OR6F1: variants seen among roughly 807,000 people sequenced by gnomAD.
The protein encoded by OR6F1 is olfactory receptor family 6 subfamily F member 1, also known as olfactory receptor 6F1.
For synonymous variants in OR6F1, 144 were observed against 150.0 expected (o/e 0.96, Z 0.29); for missense variants, 346 against 376.0 (o/e 0.92, Z 0.66).
rs1234755399 is a variant in OR6F1, at chr1:247,712,780, A to T, written c.-25T>A. 2.1e-6 allele frequency: 3 copies of T among 1,452,156 alleles called. No homozygotes were observed. The South Asian group carries it at 3.5e-5, about 17-fold the overall frequency. 90.0% of individuals were successfully genotyped at this position (1,452,156 alleles called of 1,614,324 possible). On this transcript the variant is annotated 5_prime_UTR_variant, in exon 3 of 3. Coordinates refer to ENST00000641470, the MANE Select transcript of OR6F1 (RefSeq NM_001005286.2). Reference sequence around the variant, plus strand: ...TTGTGGTACTGAAACCAGAAAACAGAGTCCCCGCACTGAGCCCTTTAACCC... The same window carrying T: ...TTGTGGTACTGAAACCAGAAAACAGTGTCCCCGCACTGAGCCCTTTAACCC...
At position 247,711,971 on chromosome 1, in the gene OR6F1, G is replaced by T; in HGVS notation, c.785C>A (p.Thr262Asn). The T allele has an allele frequency of 6.2e-7, 1 of 1,614,100 alleles. No homozygotes were observed. The highest frequency in any genetic ancestry group is 8.5e-7 in the Non-Finnish European group (1 of 1,179,958). Residue 262 changes from threonine to asparagine, a missense_variant, in exon 3 of 3, where the codon ACC becomes AAC. Thr to Asn is a moderately conservative substitution (Grantham distance 65). Transcript: ENST00000641470. ...CAGATCCAAGGCATCTTTGATAGAGGTGCGGACGTGAAGGAAAACTGTGGA... is the reference window on the plus strand; with the variant it reads ...CAGATCCAAGGCATCTTTGATAGAGTTGCGGACGTGAAGGAAAACTGTGGA... ...YGSTVFLHVRTSIKDALDLIK... is the reference protein window; with the variant it reads ...YGSTVFLHVRNSIKDALDLIK...
intron 2 of OR6F1, 87 bp from the exon 3 acceptor site, chr1:247,712,904 C>A (rs1037412161): frequency 1.8e-5 from 10 of 556,174 alleles, no homozygotes; most frequent in African/African-American, 1.7e-4. Flanking sequence ...TCATTGAATG[C>A]CTGCTCTGTG....
rs750812556 is a variant in OR6F1 at position 247,712,343 on chromosome 1, C to G, written c.413G>C (p.Ser138Thr). 1 of 1,614,108 alleles carries G rather than the reference C, an allele frequency of 6.2e-7. No individual in the cohort carries two copies. Among genetic ancestry groups the G allele is most frequent in the Admixed American group, 1.7e-5 (1 of 60,030 alleles). ...YPLHYGAIMS[S>T]LLSAQLALGS... ...CAGGGCCAGCTGCGCTGAGAGCAGG[C>G]TACTCATGATGGCTCCGTAGTGTAA... is the stretch of plus-strand genomic sequence containing the variant. Residue 138 changes from serine (S) to threonine (T), a missense_variant, in exon 3 of 3, where the codon AGC (serine) becomes ACC (threonine). Physicochemically the swap from Ser to Thr is moderately conservative, Grantham distance 58. Coordinates refer to ENST00000641470, the MANE Select transcript of OR6F1 (RefSeq NM_001005286.2).
Position 247,712,178 on chromosome 1 carries a change from T to A in OR6F1, c.578A>T (p.Gln193Leu), listed in dbSNP as rs1660016809. The A allele has an allele frequency of 6.2e-7, 1 of 1,614,168 alleles. No individual in the cohort carries two copies. The highest frequency in any genetic ancestry group is 8.5e-7 in the Non-Finnish European group (1 of 1,180,014). ...CACAAAGGCCACAAGCTCTACTGCC[T>A]GTGTGTTGGTGCAGGCCAGGGCAAT... ...PWIALACTNT[Q>L]AVELVAFVIA... Residue 193 changes from glutamine (Q) to leucine (L), a missense_variant, in exon 3 of 3, where the codon CAG becomes CTG. Transcript: ENST00000641470.
At chr1:247,715,557 C>T (rs922019309) in intron 1 of OR6F1, among the ~76,000 whole-genome samples, 1 of 152,156 alleles carries the variant, frequency 6.6e-6, no homozygotes, top group African/African-American at 2.4e-5. Context: ...ATATATTGCT[C>T]TAGACTCGAG....
At position 247,712,523 on chromosome 1, in the gene OR6F1, A is replaced by G. The variant is rs142930702; in HGVS notation, c.233T>C (p.Val78Ala). The G allele has an allele frequency of 3.4e-5, 55 of 1,613,822 alleles. No homozygotes were observed. The African/African-American group carries it at 6.8e-4, about 20-fold the overall frequency. Residue 78 changes from valine (V) to alanine (A), a missense_variant, in exon 3 of 3, where the codon GTG becomes GCG. By Grantham distance (64) the Val-to-Ala change is moderately conservative. Coordinates refer to ENST00000641470, the MANE Select transcript of OR6F1 (RefSeq NM_001005286.2). ...FLEIWYTTAA[V>A]PKALAILLGR... ...CAGTAGGATGGCCAGTGCTTTGGGC[A>G]CTGCTGCTGTGGTATACCAAATCTC...
Position 247,711,601 on chromosome 1 carries a change from A to T in OR6F1, c.*228T>A. On this transcript the variant is annotated 3_prime_UTR_variant, in exon 3 of 3. Coordinates refer to ENST00000641470, the MANE Select transcript of OR6F1 (RefSeq NM_001005286.2). ...ATAAACCAAAGTCCAGAGCAAACCT[A>T]ATTCAATGTATAATTATTTTTTGCT... 2.5e-6 allele frequency: 1 copy of T among 404,670 alleles called. No individual in the cohort carries two copies. The highest frequency in any genetic ancestry group is 4.4e-6 in the Non-Finnish European group (1 of 226,710). The allele number at this position is 404,670 out of a possible 1,614,324, so 25.1% of individuals were successfully genotyped here. A position where few individuals can be genotyped will look rare whatever the true frequency, so the allele number is the denominator to read the frequency against.
Position 247,712,217 on chromosome 1 carries a change from T to A in OR6F1, c.539A>T (p.Asp180Val). ...GPRAINHFFCDIAPWIALACT... is the reference protein window; with the variant it reads ...GPRAINHFFCVIAPWIALACT... ...GGCCAGGGCAATCCAGGGTGCAATGTCACAGAAGAAGTGGTTGATGGCACG... is the reference window on the plus strand; with the variant it reads ...GGCCAGGGCAATCCAGGGTGCAATGACACAGAAGAAGTGGTTGATGGCACG... Residue 180 changes from aspartate (D) to valine (V), a missense_variant, in exon 3 of 3, where the codon GAC becomes GTC. Coordinates refer to ENST00000641470, the MANE Select transcript of OR6F1 (RefSeq NM_001005286.2). The A allele has an allele frequency of 6.2e-7, 1 of 1,614,192 alleles. No homozygotes were observed. The highest frequency in any genetic ancestry group is 8.5e-7 in the Non-Finnish European group (1 of 1,180,030).
Position 247,712,599 on chromosome 1 carries a change from G to A in OR6F1, c.157C>T (p.His53Tyr). Reference sequence around the variant, plus strand: ...AAGTACATGGGGGTATGCAACTGATGGGAGGTGCTCACCAACATCAAGATA... The same window carrying A: ...AAGTACATGGGGGTATGCAACTGATAGGAGGTGCTCACCAACATCAAGATA... ...VAILMLVSTS[H>Y]QLHTPMYFFL... The change falls in exon 3 of 3, where the codon CAT becomes TAT. Residue 53 changes from histidine to tyrosine, a missense_variant. Transcript: ENST00000641470. The A allele has an allele frequency of 2.5e-6, 4 of 1,614,026 alleles. No individual in the cohort carries two copies. In the Admixed American group the frequency reaches 6.7e-5, roughly 27 times the overall value.
At chr1:247,713,862 A>G (rs187203046) in intron 2 of OR6F1, 29 bp downstream of exon 2, 2 of 398,584 alleles carry the variant, frequency 5.0e-6, no homozygotes, top group East Asian at 3.6e-5. Flanking sequence ...ATGGGTCTAC[A>G]AAGTAAACGG....
At chr1:247,715,619 C>A (rs1041988652) in intron 1 of OR6F1, among the ~76,000 whole-genome samples, 2 of 152,038 alleles carry the variant, frequency 1.3e-5, no homozygotes, top group Admixed American at 1.3e-4. Context: ...GTGGATGTGA[C>A]TTAACAAGAG....
Position 247,711,859 on chromosome 1 carries a change from C to A in OR6F1, c.897G>T (p.Glu299Asp), listed in dbSNP as rs1660007263. The change falls in exon 3 of 3, where the codon GAG (glutamate) becomes GAT (aspartate). Residue 299 changes from glutamate to aspartate, a missense_variant. Physicochemically the swap from Glu to Asp is conservative, Grantham distance 45. Transcript: ENST00000641470. ...IYTLRNKEVRETLLKKWKGK is the reference protein window; with the variant it reads ...IYTLRNKEVRDTLLKKWKGK ...TTCCCTTCCATTTCTTCAGCAGAGT[C>A]TCTCTTACTTCCTTATTACGAAGCG... 6 of 1,613,108 alleles carry A rather than the reference C, an allele frequency of 3.7e-6. No homozygotes were observed. Among genetic ancestry groups the A allele is most frequent in the Non-Finnish European group, 5.1e-6 (6 of 1,179,220 alleles).
chr1:247,715,511 A>C (rs1660089821), intron 1 of OR6F1, among the ~76,000 whole-genome samples: 1 of 152,210 alleles, frequency 6.6e-6, no homozygotes, highest in African/African-American at 2.4e-5. Flanking sequence ...ATTTACGTGA[A>C]GCACATGATG....
intron 1 of OR6F1, among the ~76,000 whole-genome samples, chr1:247,714,522 A>G (rs2103191613): frequency 6.6e-6 from 1 of 152,304 alleles, no homozygotes; most frequent in South Asian, 2.1e-4. Flanking sequence ...TGAATTACTC[A>G]TCCCTGAATT....
At position 247,712,560 on chromosome 1, in the gene OR6F1, G is replaced by A; in HGVS notation, c.196C>T (p.Leu66Phe). ...HTPMYFFLSN[L>F]SFLEIWYTTA... ...GTATACCAAATCTCCAGGAAGGAGA[G>A]GTTGCTCAGAAAGAAGTACATGGGG... The change falls in exon 3 of 3, where the codon CTC (leucine) becomes TTC (phenylalanine). Residue 66 changes from leucine (L) to phenylalanine (F), a missense_variant. By Grantham distance (22) the Leu-to-Phe change is conservative (BLOSUM62 0). Coordinates refer to ENST00000641470, the MANE Select transcript of OR6F1 (RefSeq NM_001005286.2). 2 of 1,614,010 alleles carry A rather than the reference G, an allele frequency of 1.2e-6. No homozygotes were observed. The highest frequency in any genetic ancestry group is 1.1e-5 in the South Asian group (1 of 91,074).
Position 247,711,541 on chromosome 1 carries a change from C to T in OR6F1, c.*288G>A. The T allele has an allele frequency of 4.2e-6, 1 of 237,328 alleles. No individual in the cohort carries two copies. Among genetic ancestry groups the T allele is most frequent in the South Asian group, 1.0e-4 (1 of 9,824 alleles). 14.7% of individuals were successfully genotyped at this position (237,328 alleles called of 1,614,324 possible). On this transcript the variant is annotated 3_prime_UTR_variant, in exon 3 of 3. Transcript: ENST00000641470. ...AAACAAGAATTTAGAGCTGATATAC[C>T]AAAGCACTCTTTTTATTGCAGATGT... is the stretch of plus-strand genomic sequence containing the variant.
chr1:247,712,729 G>A lies in OR6F1; in HGVS notation c.27C>T (p.Pro9=). MDTGNKTL[P]QDFLLLGFPG... Reference sequence around the variant, plus strand: ...GAAAGCCCAGTAAGAGAAAGTCCTGGGGCAGAGTTTTGTTGCCTGTGTCCA... The same window carrying A: ...GAAAGCCCAGTAAGAGAAAGTCCTGAGGCAGAGTTTTGTTGCCTGTGTCCA... Residue 9 remains proline, a synonymous_variant, in exon 3 of 3, where the codon CCC becomes CCT. Transcript: ENST00000641470. 1.3e-6 allele frequency: 2 copies of A among 1,594,104 alleles called. No individual in the cohort carries two copies. The highest frequency in any genetic ancestry group is 1.3e-5 in the African/African-American group (1 of 74,876).
Position 247,712,625 on chromosome 1 carries a change from G to C in OR6F1, c.131C>G (p.Ala44Gly), listed in dbSNP as rs779891795. ...GGAGGTGCTCACCAACATCAAGATA[G>C]CCACATTACCACTAACTGTGAGGAT... Reference protein sequence around the residue: ...MYILTVSGNVAILMLVSTSHQ... With the variant: ...MYILTVSGNVGILMLVSTSHQ... The change falls in exon 3 of 3, where the codon GCT becomes GGT. Residue 44 changes from alanine (A) to glycine (G), a missense_variant. Physicochemically the swap from Ala to Gly is moderately conservative, Grantham distance 60. Coordinates refer to ENST00000641470, the MANE Select transcript of OR6F1 (RefSeq NM_001005286.2). 3.1e-6 allele frequency: 5 copies of C among 1,613,786 alleles called. No individual in the cohort carries two copies. In the South Asian group the frequency reaches 4.4e-5, roughly 14 times the overall value.
chr1:247,712,418 A>T lies in OR6F1; in HGVS notation c.338T>A (p.Phe113Tyr). 1 of 1,614,106 alleles carries T rather than the reference A, an allele frequency of 6.2e-7. No individual in the cohort carries two copies. Among genetic ancestry groups the T allele is most frequent in the South Asian group, 1.1e-5 (1 of 91,090 alleles). Residue 113 changes from phenylalanine (F) to tyrosine (Y), a missense_variant, in exon 3 of 3, where the codon TTC (phenylalanine) becomes TAC (tyrosine). Phe to Tyr is a conservative substitution (Grantham distance 22, BLOSUM62 3). Transcript: ENST00000641470. ...GTCATAAGCCATGGCTGCCAGGAGG[A>T]AGTACTCTGTGCAGCCTAATGAGAA... ...FVFSLGCTEYFLLAAMAYDRC... is the reference protein window; with the variant it reads ...FVFSLGCTEYYLLAAMAYDRC...
Sources: allele counts gnomAD v4.1 joint callset (sites outside exome capture counted in the v4.1 genomes callset), GRCh38; gene constraint gnomAD v4.1.1; transcripts MANE v1.5; gene names NCBI Gene and HGNC (gene_info 2026-07-23, HGNC 2026-07-21).